TPPP: variants seen among roughly 807,000 people sequenced by gnomAD.
The protein encoded by TPPP is tubulin polymerization-promoting protein.
TPPP carries 6 observed loss-of-function variants against 15.5 expected under a neutral mutation model. The ratio of observed to expected loss-of-function variants is 0.39; its 90% CI spans 0.21 to 0.77. The LOEUF (loss-of-function observed/expected upper bound fraction) is 0.77, where lower values mean the gene tolerates loss of function less well. Among genes scored for constraint, TPPP ranks in the 30% least tolerant of loss-of-function variants. The pLI, the probability that TPPP is intolerant of heterozygous loss-of-function variation, is 0.42. For missense variants in TPPP, 269 were observed against 307.2 expected (o/e 0.88, Z 0.93); for synonymous variants, 146 against 133.9 (o/e 1.09, Z -0.63).
chr5:677,038 C>T (rs1013619059), intron 2 of TPPP, among the ~76,000 whole-genome samples: 32 of 150,888 alleles, frequency 2.1e-4, no homozygotes, highest in Admixed American at 1.3e-3. Context: ...ACACACGACG[C>T]GGAAACGCAC....
chr5:668,582 C>T lies in TPPP; in HGVS notation c.312-2459G>A, dbSNP rs988941122. Among the ~76,000 whole-genome samples the T allele has an allele frequency of 3.9e-5, 6 of 152,228 alleles. No individual in the cohort carries two copies. The South Asian group carries it at 6.2e-4, about 16-fold the overall frequency. On this transcript the variant is annotated intron_variant, in intron 2 of 3. Coordinates refer to ENST00000360578, the MANE Select transcript of TPPP (RefSeq NM_007030.3). Reference sequence around the variant, plus strand: ...TGCCGGCACCTCGAGCTGAGCAGGCCGCGGGGTGGGGGCCTCGTCCACACC... The same window carrying T: ...TGCCGGCACCTCGAGCTGAGCAGGCTGCGGGGTGGGGGCCTCGTCCACACC...
intron 1 of TPPP, among the ~76,000 whole-genome samples, chr5:678,704 G>A (rs939378578): frequency 6.6e-6 from 1 of 151,840 alleles, no homozygotes; most frequent in African/African-American, 2.4e-5. Context: ...GCCAGGGGAG[G>A]GGACTGCCAG....
rs1022393491 is a variant in TPPP at position 662,254 on chromosome 5, A to C, written c.*2848T>G. 2.0e-5 allele frequency: 3 copies of C among 152,696 alleles called. No homozygotes were observed. Among genetic ancestry groups the C allele is most frequent in the Admixed American group, 2.0e-4 (3 of 15,306 alleles). The allele number at this position is 152,696 out of a possible 1,614,324, so 9.5% of individuals were successfully genotyped here. On this transcript the variant is annotated 3_prime_UTR_variant, in exon 4 of 4. Coordinates refer to ENST00000360578, the MANE Select transcript of TPPP (RefSeq NM_007030.3). ...GTGGGCGAGGTGACCCGTCGGTGAC[A>C]GGGCCTGCTCCCTGCGAGGTCGGGT...
chr5:682,329 GGGGCCTGTCCCTT>G (rs1365768971), intron 1 of TPPP, among the ~76,000 whole-genome samples: 1 of 75,994 alleles, frequency 1.3e-5, no homozygotes, highest in Non-Finnish European at 2.3e-5. Flanking sequence ...CACTAGGGCC[GGGGCCTGTCCCTT>G]GGGCCTGGAG....
chr5:665,929 C>A, intron 3 of TPPP, 41 bp downstream of exon 3: 1 of 837,194 alleles, frequency 1.2e-6, no homozygotes, highest in Non-Finnish European at 1.6e-6. Flanking sequence ...GCCCCGCCCC[C>A]ACCCCCTCCA....
chr5:660,109 A>G lies in TPPP; in HGVS notation c.*4993T>C, dbSNP rs1739519452. The G allele has an allele frequency of 6.6e-6, 1 of 152,308 alleles. No homozygotes were observed. Among genetic ancestry groups the G allele is most frequent in the South Asian group, 2.1e-4 (1 of 4,832 alleles). The allele number at this position is 152,308 out of a possible 1,614,324, so 9.4% of individuals were successfully genotyped here. ...ATCAGCAGAAGTGGCTTTCAGAGTC[A>G]GAACAGCCATGACGTGGACATCACC... On this transcript the variant is annotated 3_prime_UTR_variant, in exon 4 of 4. Coordinates refer to ENST00000360578, the MANE Select transcript of TPPP (RefSeq NM_007030.3).
rs111228981 is a variant in TPPP, at chr5:668,324, G to T, written c.312-2201C>A. 1.1e-4 allele frequency among the ~76,000 whole-genome samples: 11 copies of T among 101,216 alleles called. 1 individual carries two copies. Among genetic ancestry groups the T allele is most frequent in the African/African-American group, 4.8e-4 (10 of 20,978 alleles). The allele number at this position is 101,216 out of a possible 152,430, so 66.4% of individuals were successfully genotyped here. ...GTACCGACAAGCACACAGAGAGGGG[G>T]CCGTGTGGGCGCCGTCAGGGAAGTG... On this transcript the variant is annotated intron_variant, in intron 2 of 3. Transcript: ENST00000360578.
At chr5:685,527 C>G (rs1316059333) in intron 1 of TPPP, among the ~76,000 whole-genome samples, 1 of 152,220 alleles carries the variant, frequency 6.6e-6, no homozygotes, top group Non-Finnish European at 1.5e-5. Flanking sequence ...GGGAGGGGCC[C>G]TGCACAAGGA....
chr5:681,326 G>T (rs1447763563), intron 1 of TPPP, among the ~76,000 whole-genome samples: 1 of 152,170 alleles, frequency 6.6e-6, no homozygotes, highest in Non-Finnish European at 1.5e-5. Context: ...TGGGGTCAAA[G>T]GACAAGCTCC....
upstream of TPPP, chr5:693,355 A>C (rs1430045187): frequency 6.7e-6 from 1 of 148,870 alleles, no homozygotes; most frequent in South Asian, 1.8e-4. Context: ...GGAGCTCTCC[A>C]GCCGCCGCCC....
chr5:684,908 G>C (rs1453887463), intron 1 of TPPP, among the ~76,000 whole-genome samples: 1 of 152,216 alleles, frequency 6.6e-6, no homozygotes, highest in Non-Finnish European at 1.5e-5. Context: ...CAGCACAGGA[G>C]GCAGGATGAT....
At chr5:677,036 C>T (rs1056820244) in intron 2 of TPPP, among the ~76,000 whole-genome samples, 4 of 150,946 alleles carry the variant, frequency 2.6e-5, no homozygotes, top group South Asian at 2.1e-4. Flanking sequence ...GCACACACGA[C>T]GCGGAAACGC....
chr5:677,683 C>A, intron 2 of TPPP, 67 bp downstream of exon 2: 1 of 1,457,504 alleles, frequency 6.9e-7, no homozygotes, highest in Non-Finnish European at 9.1e-7. Context: ...ACAGAACCCA[C>A]CCAGGGGCTC....
At chr5:699,507 A>G in the TPPP span, among the ~76,000 whole-genome samples, 1 of 152,120 alleles carries the variant, frequency 6.6e-6, no homozygotes, top group African/African-American at 2.4e-5. Flanking sequence ...ACCAAACACT[A>G]TAAAAATCCT....
chr5:665,415 A>AT, intron 3 of TPPP, 119 bp from the exon 4 acceptor site: 5 of 915,812 alleles, frequency 5.5e-6, no homozygotes, highest in Non-Finnish European at 6.5e-6. Flanking sequence ...AGGGGCATAA[A>AT]CCCTGGGATT....
At chr5:688,179 T>C (rs1271129088) in intron 1 of TPPP, among the ~76,000 whole-genome samples, 3 of 126,682 alleles carry the variant, frequency 2.4e-5, no homozygotes, top group Non-Finnish European at 3.5e-5. Flanking sequence ...CACTTCCAGA[T>C]TGACCCAAGA....
At chr5:683,563 A>C (rs1437866710) in intron 1 of TPPP, among the ~76,000 whole-genome samples, 1 of 151,782 alleles carries the variant, frequency 6.6e-6, no homozygotes, top group Admixed American at 6.5e-5. Context: ...CCCTGGAGAC[A>C]CTGCCCAGGA....
intron 2 of TPPP, among the ~76,000 whole-genome samples, chr5:674,967 T>G (rs113138740): frequency 0.01 from 1,437 of 142,358 alleles, 33 homozygotes; most frequent in African/African-American, 0.035. Context: ...GCCCTGAGAG[T>G]CAGTCCACAA....
At position 668,377 on chromosome 5, in the gene TPPP, C is replaced by T. The variant is rs1292664338; in HGVS notation, c.312-2254G>A. Among the ~76,000 whole-genome samples the T allele has an allele frequency of 6.0e-3, 580 of 95,912 alleles. 45 individuals are homozygous for T. The highest frequency in any genetic ancestry group is 0.028 in the African/African-American group (544 of 19,226). The allele number at this position is 95,912 out of a possible 152,430, so 62.9% of individuals were successfully genotyped here. On this transcript the variant is annotated intron_variant, in intron 2 of 3. Coordinates refer to ENST00000360578, the MANE Select transcript of TPPP (RefSeq NM_007030.3). ...GACAAGCACACTGGAGAGGGGTCCG[C>T]GTGGGCCTCGTCAGGGAAGTACCGA... is the stretch of plus-strand genomic sequence containing the variant.
Sources: allele counts gnomAD v4.1 joint callset (sites outside exome capture counted in the v4.1 genomes callset), GRCh38; gene constraint gnomAD v4.1.1; transcripts MANE v1.5; gene names NCBI Gene and HGNC (gene_info 2026-07-23, HGNC 2026-07-21).